RLN2: variants seen among roughly 807,000 people sequenced by gnomAD.
The protein encoded by RLN2 is prorelaxin H2.
In RLN2, 10 loss-of-function variants were observed where a neutral mutation model predicts 7.3. The observed-to-expected ratio is 1.36, with a 90% CI of 0.84 to 2.31. RLN2 has a LOEUF of 2.31. RLN2 is among the 30% of genes most tolerant of loss of function. The pLI is 0.00. For missense variants in RLN2, 298 were observed against 217.6 expected (o/e 1.37, Z -2.32); for synonymous variants, 103 against 82.3 (o/e 1.25, Z -1.36).
chr9:5,304,551 T>A lies in RLN2; in HGVS notation c.30A>T (p.Leu10=). The A allele has an allele frequency of 6.2e-7, 1 of 1,613,760 alleles. No individual in the cohort carries two copies. Among genetic ancestry groups the A allele is most frequent in the Non-Finnish European group, 8.5e-7 (1 of 1,179,862 alleles). The change falls in exon 1 of 2, where the codon CTA becomes CTT. Residue 10 remains leucine (L), a synonymous_variant. Coordinates refer to ENST00000381627, the MANE Select transcript of RLN2 (RefSeq NM_134441.3). ...ATTGGTTCAGTAGTAAACAGACTCC[T>A]AGCAGGTGGAAAAAAAACAGGCGAG... MPRLFFFHL[L]GVCLLLNQFS... is the part of the protein sequence containing the mutation.
chr9:5,316,736 T>C, the RLN2 span, among the ~76,000 whole-genome samples: 4 of 151,996 alleles, frequency 2.6e-5, no homozygotes, highest in African/African-American at 9.7e-5. Flanking sequence ...CTATTGTGAA[T>C]AGTGCTGCGG....
the RLN2 span, chr9:5,335,633 T>C: frequency 1.5e-6 from 2 of 1,372,094 alleles, no homozygotes; most frequent in Non-Finnish European, 2.0e-6. Context: ...TGTGAAGGCG[T>C]ATTCACGTCA....
At chr9:5,335,648 G>A in the RLN2 span, 5 of 1,141,778 alleles carry the variant, frequency 4.4e-6, no homozygotes, top group African/African-American at 1.6e-5. Flanking sequence ...ACGTCAAAGA[G>A]CATTCAGAAA....
upstream of RLN2, among the ~76,000 whole-genome samples, chr9:5,307,310 TGATA>T (rs147650385): frequency 2.8e-4 from 41 of 145,148 alleles, no homozygotes; most frequent in Admixed American, 6.8e-4. Context: ...GATAGATAGA[TGATA>T]GATAGATAGT....
chr9:5,318,028 G>GTGTGTGTGTGTGTC, the RLN2 span, among the ~76,000 whole-genome samples: 2 of 151,852 alleles, frequency 1.3e-5, no homozygotes, highest in South Asian at 2.1e-4. Context: ...GTGTGTGTGT[G>GTGTGTGTGTGTGTC]TCTGTATACA....
In RLN2 at chr9:5,304,560, G is replaced by T; in HGVS notation, c.21C>A (p.Phe7Leu). The T allele has an allele frequency of 6.2e-7, 1 of 1,613,330 alleles. No individual in the cohort carries two copies. The highest frequency in any genetic ancestry group is 8.5e-7 in the Non-Finnish European group (1 of 1,179,644). The change falls in exon 1 of 2, where the codon TTC (phenylalanine) becomes TTA (leucine). Residue 7 changes from phenylalanine (F) to leucine (L), a missense_variant. Transcript: ENST00000381627. MPRLFF[F>L]HLLGVCLLLN... ...GTAGTAAACAGACTCCTAGCAGGTG[G>T]AAAAAAAACAGGCGAGGCATCCTGG...
At chr9:5,320,038 T>A in the RLN2 span, among the ~76,000 whole-genome samples, 1 of 149,892 alleles carries the variant, frequency 6.7e-6, no homozygotes, top group South Asian at 2.1e-4. Context: ...CAGACCAGAG[T>A]GAGGTGGCAC....
At chr9:5,315,509 C>G in the RLN2 span, among the ~76,000 whole-genome samples, 1 of 151,506 alleles carries the variant, frequency 6.6e-6, no homozygotes, top group Admixed American at 6.6e-5. Flanking sequence ...GGAGAAGAGA[C>G]AAATGTGCAG....
chr9:5,333,290 GA>G, the RLN2 span, among the ~76,000 whole-genome samples: 2 of 151,814 alleles, frequency 1.3e-5, no homozygotes, highest in African/African-American at 4.9e-5. Context: ...CACTGATAAA[GA>G]AGAAAAAGGA....
chr9:5,326,186 T>C, the RLN2 span, among the ~76,000 whole-genome samples: 1 of 152,116 alleles, frequency 6.6e-6, no homozygotes, highest in Non-Finnish European at 1.5e-5. Flanking sequence ...TTCTGTTAAA[T>C]TTTTTAAAAT....
At chr9:5,325,247 C>G in the RLN2 span, among the ~76,000 whole-genome samples, 1 of 151,664 alleles carries the variant, frequency 6.6e-6, no homozygotes, top group Admixed American at 6.6e-5. Flanking sequence ...ACACAAGACA[C>G]AGGACTATAA....
chr9:5,317,082 CA>C, the RLN2 span, among the ~76,000 whole-genome samples: 1 of 151,724 alleles, frequency 6.6e-6, no homozygotes, highest in African/African-American at 2.4e-5. Flanking sequence ...AGCAGATACA[CA>C]ACTGATAAAG....
Position 5,300,435 on chromosome 9 carries a change from GGC to G in RLN2, c.219_220del (p.Pro74IlefsTer19). On this transcript the variant is annotated frameshift_variant, in exon 2 of 2. Transcript: ENST00000381627. LOFTEE classifies it low-confidence loss of function (END_TRUNC). ...TTCTGTATCTTTGTTGATGAAGGAT[GGC>G]ACAATTTCTGTTAAATTTAAAAAAA... 1.3e-6 allele frequency: 2 copies of G among 1,596,980 alleles called. No homozygotes were observed. The highest frequency in any genetic ancestry group is 2.3e-5 in the South Asian group (2 of 87,972).
At chr9:5,328,960 A>G in the RLN2 span, among the ~76,000 whole-genome samples, 1 of 152,074 alleles carries the variant, frequency 6.6e-6, no homozygotes, top group Non-Finnish European at 1.5e-5. Flanking sequence ...AACAACCAGT[A>G]CCAGCCACTG....
the RLN2 span, among the ~76,000 whole-genome samples, chr9:5,325,137 C>T: frequency 3.3e-5 from 5 of 151,694 alleles, no homozygotes; most frequent in Non-Finnish European, 4.4e-5. Context: ...CTATTGCTGG[C>T]CTTAATTATT....
the RLN2 span, chr9:5,335,250 C>T: frequency 1.3e-6 from 2 of 1,569,198 alleles, no homozygotes; most frequent in East Asian, 2.2e-5. Flanking sequence ...TTAGCTTCAT[C>T]TCAGCAATAT....
the RLN2 span, among the ~76,000 whole-genome samples, chr9:5,329,750 A>C: frequency 6.6e-6 from 1 of 151,954 alleles, no homozygotes; most frequent in African/African-American, 2.4e-5. Flanking sequence ...GAGCACCCAG[A>C]TTCATAAAAC....
chr9:5,300,810 C>T (rs375360130), intron 1 of RLN2, among the ~76,000 whole-genome samples: 1 of 152,266 alleles, frequency 6.6e-6, no homozygotes, highest in Admixed American at 6.5e-5. Flanking sequence ...TTCTTGGATT[C>T]TTCTTAGTTA....
chr9:5,300,111 G>C lies in RLN2; in HGVS notation c.545C>G (p.Ala182Gly), dbSNP rs754652320. The change falls in exon 2 of 2, where the codon GCT becomes GGT. Residue 182 changes from alanine to glycine, a missense_variant. By Grantham distance (60) the Ala-to-Gly change is moderately conservative. Transcript: ENST00000381627. ...ATTAGCTTCATCTCAGCAAAATCTA[G>C]CAAGAGATCTTTTGGTACAACCAAC... ...CHVGCTKRSLARFC is the reference protein window; with the variant it reads ...CHVGCTKRSLGRFC The C allele has an allele frequency of 6.3e-7, 1 of 1,595,084 alleles. No individual in the cohort carries two copies. The highest frequency in any genetic ancestry group is 1.1e-5 in the South Asian group (1 of 86,976).
Sources: allele counts gnomAD v4.1 joint callset (sites outside exome capture counted in the v4.1 genomes callset), GRCh38; gene constraint gnomAD v4.1.1; transcripts MANE v1.5; gene names NCBI Gene and HGNC (gene_info 2026-07-23, HGNC 2026-07-21).